C12orf42: variants seen among roughly 807,000 people sequenced by gnomAD.
C12orf42 encodes the protein chromosome 12 open reading frame 42.
Under a neutral mutation model 21.6 loss-of-function variants are expected in C12orf42, and 25 were observed. The observed-to-expected ratio is 1.16, with a 90% confidence interval of 0.84 to 1.62. C12orf42 has a LOEUF of 1.62. C12orf42 is among the 40% of genes most tolerant of loss of function. C12orf42 has a pLI of 0.00. For synonymous variants in C12orf42, 174 were observed against 175.0 expected (o/e 0.99, Z 0.05); for missense variants, 483 against 459.3 (o/e 1.05, Z -0.47).
chr12:103,423,015 G>A (rs77018712), intron 2 of C12orf42, among the ~76,000 whole-genome samples: 2,263 of 152,190 alleles, frequency 0.015, 26 homozygotes, highest in Non-Finnish European at 0.024. Flanking sequence ...ATCCACATTG[G>A]AGCCAGTATT....
chr12:103,468,016 T>C (rs374425684), intron 2 of C12orf42, among the ~76,000 whole-genome samples: 5 of 152,328 alleles, frequency 3.3e-5, no homozygotes, highest in Non-Finnish European at 7.3e-5. Flanking sequence ...TATTTCAGAA[T>C]GGAAACAATT....
At chr12:103,489,162 C>T (rs536643533) in intron 1 of C12orf42, among the ~76,000 whole-genome samples, 33 of 151,410 alleles carry the variant, frequency 2.2e-4, no homozygotes, top group African/African-American at 7.5e-4. Flanking sequence ...GATGTTAATG[C>T]TATTCCTTTC....
chr12:103,469,600 A>G (rs1953426943), intron 2 of C12orf42, among the ~76,000 whole-genome samples: 1 of 152,226 alleles, frequency 6.6e-6, no homozygotes, highest in African/African-American at 2.4e-5. Context: ...CCATTATTGC[A>G]TAACTATAAA....
At chr12:103,378,796 G>A (rs1278358894) in intron 3 of C12orf42, 1 of 152,144 alleles carries the variant, frequency 6.6e-6, no homozygotes, top group Non-Finnish European at 1.5e-5. Flanking sequence ...GCTTGATCTG[G>A]AAAATGAGAT....
downstream of C12orf42, chr12:103,301,838 C>A: frequency 2.8e-6 from 1 of 357,500 alleles, no homozygotes; most frequent in Non-Finnish European, 5.0e-6. Context: ...TGCAAAGTGG[C>A]ACGCGATGTA....
At chr12:103,192,419 C>G in the C12orf42 span, among the ~76,000 whole-genome samples, 1 of 150,554 alleles carries the variant, frequency 6.6e-6, no homozygotes, top group Admixed American at 6.7e-5. Context: ...AGGAGAATCG[C>G]TTGAACCTGG....
chr12:103,192,776 G>T, the C12orf42 span, among the ~76,000 whole-genome samples: 1 of 152,118 alleles, frequency 6.6e-6, no homozygotes, highest in East Asian at 1.9e-4. Context: ...GGGAGAAATA[G>T]ACAGCAATAC....
At chr12:103,361,094 T>C (rs1003788785) in intron 4 of C12orf42, among the ~76,000 whole-genome samples, 16 of 152,084 alleles carry the variant, frequency 1.1e-4, no homozygotes, top group African/African-American at 3.9e-4. Flanking sequence ...GAACTTTTAC[T>C]CCAGAGCTAC....
intron 2 of C12orf42, among the ~76,000 whole-genome samples, chr12:103,435,379 C>T (rs1226677829): frequency 6.6e-6 from 1 of 152,204 alleles, no homozygotes; most frequent in Non-Finnish European, 1.5e-5. Flanking sequence ...TCCTCACCAG[C>T]AACGGAACAA....
intron 1 of C12orf42, among the ~76,000 whole-genome samples, chr12:103,479,766 C>T (rs1171309327): frequency 1.3e-5 from 2 of 151,950 alleles, no homozygotes; most frequent in South Asian, 2.1e-4. Context: ...ATTAAATGAA[C>T]CAGGCATTCA....
intron 1 of C12orf42, among the ~76,000 whole-genome samples, chr12:103,484,690 T>C (rs1030888595): frequency 6.6e-6 from 1 of 152,144 alleles, no homozygotes; most frequent in East Asian, 1.9e-4. Context: ...ATTTTGGCTT[T>C]TGTTGCCATT....
chr12:103,196,200 T>C, the C12orf42 span, among the ~76,000 whole-genome samples: 1 of 152,218 alleles, frequency 6.6e-6, no homozygotes, highest in African/African-American at 2.4e-5. Flanking sequence ...TCAAAAGTCA[T>C]TCAAGAGGAG....
At chr12:103,249,150 T>A (rs1398550078) in intron 10 of C12orf42, among the ~76,000 whole-genome samples, 1 of 152,030 alleles carries the variant, frequency 6.6e-6, no homozygotes, top group Non-Finnish European at 1.5e-5. Context: ...AAGATGAGTC[T>A]TAAAAGTTCA....
the C12orf42 span, among the ~76,000 whole-genome samples, chr12:103,172,829 C>G: frequency 1.3e-5 from 2 of 152,116 alleles, no homozygotes; most frequent in South Asian, 2.1e-4. Context: ...TCTTTTGTGC[C>G]TAGAATCTAA....
At chr12:103,527,717 G>A in the C12orf42 span, among the ~76,000 whole-genome samples, 31 of 152,172 alleles carry the variant, frequency 2.0e-4, no homozygotes, top group African/African-American at 7.0e-4. Context: ...TCTCTCAGGG[G>A]GCCAGAACCT....
At chr12:103,088,528 T>C in the C12orf42 span, among the ~76,000 whole-genome samples, 5 of 152,334 alleles carry the variant, frequency 3.3e-5, no homozygotes, top group Admixed American at 3.3e-4. Context: ...CCCACCAAAA[T>C]CAGTGGTAGA....
At chr12:103,222,179 T>C in the C12orf42 span, among the ~76,000 whole-genome samples, 3 of 152,136 alleles carry the variant, frequency 2.0e-5, no homozygotes, top group Admixed American at 1.3e-4. Flanking sequence ...GCTGTTTATT[T>C]CACCTGGGTG....
intron 2 of C12orf42, among the ~76,000 whole-genome samples, chr12:103,469,484 A>G (rs1953414194): frequency 6.6e-6 from 1 of 152,200 alleles, no homozygotes; most frequent in South Asian, 2.1e-4. Flanking sequence ...TTTATTGTGT[A>G]TGAATACTTT....
the C12orf42 span, among the ~76,000 whole-genome samples, chr12:103,141,207 C>T: frequency 1.3e-5 from 2 of 151,026 alleles, no homozygotes; most frequent in South Asian, 2.1e-4. Context: ...TCTAAAGGAG[C>T]GGAATAAAAC....
Sources: allele counts gnomAD v4.1 joint callset (sites outside exome capture counted in the v4.1 genomes callset), GRCh38; gene constraint gnomAD v4.1.1; transcripts MANE v1.5; gene names NCBI Gene and HGNC (gene_info 2026-07-23, HGNC 2026-07-21).